KHDRBS2: variants seen among roughly 807,000 people sequenced by gnomAD.
KHDRBS2 encodes the protein KH RNA binding domain containing, signal transduction associated 2.
Under a neutral mutation model 44.3 loss-of-function variants are expected in KHDRBS2, and 26 were observed. The ratio of observed to expected loss-of-function variants is 0.59; its 90% CI spans 0.43 to 0.81. KHDRBS2 has a LOEUF of 0.81. KHDRBS2 is among the 40% of genes least tolerant of loss of function. The pLI is 0.00. For synonymous variants in KHDRBS2, 194 were observed against 151.1 expected (o/e 1.28, Z -2.08); for missense variants, 476 against 433.1 (o/e 1.10, Z -0.88).
At chr6:61,631,305 CAAAAAAAAAAAAAAAA>C in the KHDRBS2 span, among the ~76,000 whole-genome samples, 1,621 of 67,064 alleles carry the variant, frequency 0.024, 58 homozygotes, top group African/African-American at 0.086. Context: ...ACGAATAAGC[CAAAAAAAAAAAAAAAA>C]AAAAAAAAAA....
At chr6:61,710,089 A>G (rs1195078188) in intron 7 of KHDRBS2, among the ~76,000 whole-genome samples, 1 of 151,634 alleles carries the variant, frequency 6.6e-6, no homozygotes, top group Non-Finnish European at 1.5e-5. Flanking sequence ...GAAAAAGGTT[A>G]TTTTCATGCA....
At chr6:61,727,285 A>T (rs542554158) in intron 7 of KHDRBS2, among the ~76,000 whole-genome samples, 1 of 152,328 alleles carries the variant, frequency 6.6e-6, no homozygotes, top group South Asian at 2.1e-4. Context: ...TTAACTCAAG[A>T]TAAATTAAAT....
chr6:61,689,054 A>C (rs774664809), intron 8 of KHDRBS2, among the ~76,000 whole-genome samples: 1 of 151,922 alleles, frequency 6.6e-6, no homozygotes, highest in East Asian at 1.9e-4. Context: ...GATATGATTT[A>C]ATCTATCATG....
chr6:61,799,414 A>G (rs1453811188), intron 6 of KHDRBS2, among the ~76,000 whole-genome samples: 1 of 151,856 alleles, frequency 6.6e-6, no homozygotes, highest in Non-Finnish European at 1.5e-5. Flanking sequence ...TGATTTTGTT[A>G]ATAATGTATA....
chr6:62,200,829 C>T (rs1826807465), intron 1 of KHDRBS2, among the ~76,000 whole-genome samples: 1 of 152,112 alleles, frequency 6.6e-6, no homozygotes, highest in Non-Finnish European at 1.5e-5. Flanking sequence ...AGACTTGGAA[C>T]CAACCCAAAT....
chr6:61,894,936 TAC>T lies in KHDRBS2; in HGVS notation c.612-105_612-104del, dbSNP rs1385843928. The T allele has an allele frequency of 7.0e-6, 5 of 714,334 alleles. No homozygotes were observed. The African/African-American group carries it at 9.0e-5, about 13-fold the overall frequency. The allele number at this position is 714,334 out of a possible 1,614,324, so 44.2% of individuals were successfully genotyped here. A position where few individuals can be genotyped will look rare whatever the true frequency, so the allele number is the denominator to read the frequency against. ...CACAGCCTCCATACAATGAAATAAA[TAC>T]AAATTTCTCTCTCTCTCTCTGTGTG... On this transcript the variant is annotated intron_variant, in intron 5 of 8. Transcript: ENST00000281156.
At chr6:62,191,124 C>A (rs1824509264) in intron 1 of KHDRBS2, among the ~76,000 whole-genome samples, 1 of 152,104 alleles carries the variant, frequency 6.6e-6, no homozygotes, top group African/African-American at 2.4e-5. Context: ...GCATTCAAAT[C>A]TTTGTTGAAT....
At chr6:61,939,825 C>CT (rs1233084054) in intron 4 of KHDRBS2, among the ~76,000 whole-genome samples, 1 of 152,152 alleles carries the variant, frequency 6.6e-6, no homozygotes, top group African/African-American at 2.4e-5. Flanking sequence ...CGGTTGAAGG[C>CT]TATGGAGATG....
intron 2 of KHDRBS2, among the ~76,000 whole-genome samples, chr6:62,112,463 A>G (rs947375582): frequency 6.6e-6 from 1 of 152,142 alleles, no homozygotes; most frequent in African/African-American, 2.4e-5. Flanking sequence ...CCCTTTTGGC[A>G]TAAAACATTC....
At chr6:61,637,492 A>G in the KHDRBS2 span, among the ~76,000 whole-genome samples, 2 of 152,250 alleles carry the variant, frequency 1.3e-5, no homozygotes, top group South Asian at 2.1e-4. Flanking sequence ...CACAATAAAC[A>G]TATGTGTGCG....
chr6:62,032,715 A>G (rs2127293507), intron 3 of KHDRBS2, among the ~76,000 whole-genome samples: 1 of 151,944 alleles, frequency 6.6e-6, no homozygotes, highest in East Asian at 1.9e-4. Flanking sequence ...GTCTTTTCAA[A>G]TATCTGGAAA....
intron 2 of KHDRBS2, among the ~76,000 whole-genome samples, chr6:62,063,045 C>G (rs1277096447): frequency 6.7e-6 from 1 of 148,266 alleles, no homozygotes; most frequent in Non-Finnish European, 1.5e-5. Flanking sequence ...TGGATACATT[C>G]CTCGACACAT....
At chr6:61,921,497 A>T (rs1344011616) in intron 4 of KHDRBS2, among the ~76,000 whole-genome samples, 1 of 151,990 alleles carries the variant, frequency 6.6e-6, no homozygotes, top group Non-Finnish European at 1.5e-5. Flanking sequence ...TTGTTATTAC[A>T]TTTTTTAAAA....
intron 7 of KHDRBS2, among the ~76,000 whole-genome samples, chr6:61,719,015 A>G (rs200107305): frequency 1.3e-5 from 2 of 152,258 alleles, no homozygotes; most frequent in East Asian, 3.9e-4. Flanking sequence ...ATCTATATCT[A>G]TGTCTAATCT....
At chr6:61,957,711 C>T (rs2127391236) in intron 4 of KHDRBS2, among the ~76,000 whole-genome samples, 2 of 152,238 alleles carry the variant, frequency 1.3e-5, no homozygotes, top group South Asian at 4.1e-4. Flanking sequence ...CTAATTTTGC[C>T]CCAGTCCTAT....
At chr6:62,096,336 AG>A (rs1800593255) in intron 2 of KHDRBS2, among the ~76,000 whole-genome samples, 1 of 151,934 alleles carries the variant, frequency 6.6e-6, no homozygotes, top group Non-Finnish European at 1.5e-5. Context: ...AGCATTCAGC[AG>A]TGAAGCCTTC....
chr6:61,892,942 A>C, intron 6 of KHDRBS2, among the ~76,000 whole-genome samples: 1 of 152,056 alleles, frequency 6.6e-6, no homozygotes, highest in African/African-American at 2.4e-5. Flanking sequence ...CAGCAAAAGA[A>C]ACTACCATCA....
chr6:62,172,715 A>AC (rs1562999054), intron 2 of KHDRBS2, among the ~76,000 whole-genome samples: 1 of 151,286 alleles, frequency 6.6e-6, no homozygotes, highest in African/African-American at 2.4e-5. Context: ...AAAAAAAAAA[A>AC]AAAACCTGGA....
chr6:61,771,277 A>C (rs1175899572), intron 6 of KHDRBS2, among the ~76,000 whole-genome samples: 1 of 152,200 alleles, frequency 6.6e-6, no homozygotes, highest in Non-Finnish European at 1.5e-5. Flanking sequence ...AAGTGCATCA[A>C]CTAATGAGCA....
Sources: gnomAD v4.1 joint callset for allele counts (sites outside exome capture counted in the v4.1 genomes callset) on GRCh38, gnomAD v4.1.1 for gene constraint, MANE v1.5 for transcripts, NCBI Gene and HGNC (gene_info 2026-07-23, HGNC 2026-07-21) for gene names.